The following ALG13 variants were observed in gnomAD, a reference collection of about 807,000 sequenced individuals.
The protein encoded by ALG13 is ALG13 UDP-N-acetylglucosaminyltransferase subunit, also known as UDP-N-acetylglucosamine transferase subunit ALG13.
A neutral mutation model predicts 87.8 loss-of-function variants in ALG13; 11 were observed. That is an observed-to-expected ratio of 0.13 (90% confidence interval 0.08 to 0.21). The LOEUF (loss-of-function observed/expected upper bound fraction) is 0.21. ALG13 is among the 10% of genes least tolerant of loss of function. ALG13 has a pLI of 1.00. For synonymous variants in ALG13, 320 were observed against 306.3 expected (o/e 1.04, Z -0.47); for missense variants, 756 against 866.1 (o/e 0.87, Z 1.60).
chrX:111,736,332 A>G (rs772568485), intron 22 of ALG13, among the ~76,000 whole-genome samples: 2 of 111,173 alleles, frequency 1.8e-5, no homozygotes, highest in South Asian at 3.8e-4. Context: ...GTGTGGGGCA[A>G]TATATATGCA....
At chrX:111,683,524 A>G (rs1198022393) in intron 2 of ALG13, among the ~76,000 whole-genome samples, 1 of 107,578 alleles carries the variant, frequency 9.3e-6, no homozygotes, top group Non-Finnish European at 1.9e-5. Context: ...ATTTTAGTAG[A>G]GACGGGGTTT....
chrX:111,724,650 A>G (rs942884796), intron 14 of ALG13, among the ~76,000 whole-genome samples: 9 of 112,055 alleles, frequency 8.0e-5, no homozygotes, highest in Non-Finnish European at 1.1e-4. Context: ...CCTCATGTCA[A>G]TGGGGTGGGG....
chrX:111,693,164 CTTTTTTTTT>C, intron 3 of ALG13, among the ~76,000 whole-genome samples: 1 of 55,113 alleles, frequency 1.8e-5, no homozygotes, highest in South Asian at 1.0e-3. Flanking sequence ...GTTTTTAATT[CTTTTTTTTT>C]TTTTTTTTTT....
At chrX:111,752,376 A>G (rs1365149712) in intron 24 of ALG13, among the ~76,000 whole-genome samples, 2 of 111,856 alleles carry the variant, frequency 1.8e-5, no homozygotes, top group Non-Finnish European at 3.8e-5. Flanking sequence ...TTAATGTGGC[A>G]AGATTACATT....
chrX:111,698,569 A>G lies in ALG13; in HGVS notation c.384-9458A>G, dbSNP rs772610481. 6.3e-5 allele frequency among the ~76,000 whole-genome samples: 7 copies of G among 111,224 alleles called. No homozygotes were observed. The South Asian group carries it at 1.5e-3, about 24-fold the overall frequency. ...ACCATCATTCTAACTCTCTACTTCT[A>G]TGAGTTCAACTTATTTAGATTCCGC... On this transcript the variant is annotated intron_variant, in intron 3 of 26. Transcript: ENST00000394780.
At position 111,714,680 on chromosome X, in the gene ALG13, A is replaced by G. The variant is rs186109648; in HGVS notation, c.1005+1383A>G. 2.7e-5 allele frequency among the ~76,000 whole-genome samples: 3 copies of G among 111,931 alleles called. No individual in the cohort carries two copies. The South Asian group carries it at 1.1e-3, about 42-fold the overall frequency. On this transcript the variant is annotated intron_variant, in intron 8 of 26. Coordinates refer to ENST00000394780, the MANE Select transcript of ALG13 (RefSeq NM_001099922.3). ...AAGTTAAAAGAATTTTACAGTGAGC[A>G]TCCATATACCTACCCACCACCTAGA...
intron 15 of ALG13, among the ~76,000 whole-genome samples, chrX:111,726,522 G>A (rs1378065060): frequency 1.8e-5 from 2 of 111,092 alleles, no homozygotes; most frequent in African/African-American, 6.6e-5. Flanking sequence ...GTGAGCCACC[G>A]TGCCTGGCCA....
At position 111,706,036 on chromosome X, in the gene ALG13, A is replaced by T. The variant is rs527994957; in HGVS notation, c.384-1991A>T. On this transcript the variant is annotated intron_variant, in intron 3 of 26. Coordinates refer to ENST00000394780, the MANE Select transcript of ALG13 (RefSeq NM_001099922.3). ...TTACAAGTACAATATGCTGGAAACA[A>T]ATTAACTTTTAAATTATAATCCCTT... Among the ~76,000 whole-genome samples, 6 of 112,207 alleles carry T rather than the reference A, an allele frequency of 5.3e-5. No individual in the cohort carries two copies. In the South Asian group the frequency reaches 2.2e-3, roughly 41 times the overall value.
intron 9 of ALG13, 37 bp downstream of exon 9, chrX:111,717,964 A>G: frequency 8.7e-7 from 1 of 1,153,599 alleles, no homozygotes; most frequent in Non-Finnish European, 1.2e-6. Context: ...GTGTGATTTC[A>G]GATGACTTGT....
In ALG13 at chrX:111,688,482, A is replaced by G. The variant is rs1186262256; in HGVS notation, c.383+3379A>G. 6 of 749,508 alleles carry G rather than the reference A, an allele frequency of 8.0e-6. No individual in the cohort carries two copies. The East Asian group carries it at 6.1e-4, about 76-fold the overall frequency. The allele number at this position is 749,508 out of a possible 1,213,427, so 61.8% of individuals were successfully genotyped here. ...GAAATGAAAAGTTCAATCATTGCCT[A>G]AAAAAGATGATCAAGTTAGTTGATC... On this transcript the variant is annotated intron_variant, in intron 3 of 26. Transcript: ENST00000394780.
intron 24 of ALG13, among the ~76,000 whole-genome samples, chrX:111,745,340 G>A (rs907707399): frequency 9.0e-6 from 1 of 111,145 alleles, no homozygotes; most frequent in Non-Finnish European, 1.9e-5. Context: ...TTGGGGGAGT[G>A]GGGATTAGGA....
chrX:111,756,360 T>A (rs1318963331), intron 25 of ALG13, among the ~76,000 whole-genome samples: 1 of 111,484 alleles, frequency 9.0e-6, no homozygotes, highest in East Asian at 2.8e-4. Flanking sequence ...TGTATACCCA[T>A]GTAACAAACC....
At chrX:111,684,828 T>C in intron 2 of ALG13, 137 bp from the exon 3 acceptor site, 1 of 555,523 alleles carries the variant, frequency 1.8e-6, no homozygotes, top group Non-Finnish European at 3.0e-6. Flanking sequence ...TCTTGTCATT[T>C]TGAATGTATA....
intron 3 of ALG13, chrX:111,688,740 T>C (rs980923052): frequency 5.4e-6 from 4 of 742,502 alleles, no homozygotes; most frequent in Non-Finnish European, 6.4e-6. Context: ...ATTTACAATT[T>C]ATGTGCTTAT....
chrX:111,708,915 C>A, intron 4 of ALG13, 50 bp from the exon 5 acceptor site: 1 of 832,488 alleles, frequency 1.2e-6, no homozygotes, highest in Non-Finnish European at 1.7e-6. Flanking sequence ...TTTAGAAGTG[C>A]CTATTTTAAA....
At position 111,727,567 on chromosome X, in the gene ALG13, T is replaced by C; in HGVS notation, c.2091-47T>C. On this transcript the variant is annotated intron_variant, in intron 17 of 26. Coordinates refer to ENST00000394780, the MANE Select transcript of ALG13 (RefSeq NM_001099922.3). ...TGTTATTTAGAAATTAGGAACAAGT[T>C]ACTATATTTCATCATTTTTACTTTT... 3 of 1,139,640 alleles carry C rather than the reference T, an allele frequency of 2.6e-6. No individual in the cohort carries two copies. In the East Asian group the frequency reaches 9.2e-5, roughly 35 times the overall value. The allele number at this position is 1,139,640 out of a possible 1,213,427, so 93.9% of individuals were successfully genotyped here.
intron 3 of ALG13, among the ~76,000 whole-genome samples, chrX:111,693,686 C>T (rs1212362300): frequency 3.6e-5 from 4 of 112,012 alleles, no homozygotes; most frequent in Non-Finnish European, 5.6e-5. Flanking sequence ...GCCAAAATTA[C>T]TTATTTTGAT....
intron 23 of ALG13, among the ~76,000 whole-genome samples, 198 bp from the exon 24 acceptor site, chrX:111,744,470 A>G (rs1031655874): frequency 1.8e-5 from 2 of 111,249 alleles, no homozygotes; most frequent in Admixed American, 1.9e-4. Flanking sequence ...CTTAAATCAA[A>G]ATGACCTGTT....
chrX:111,693,831 C>T (rs1044171724), intron 3 of ALG13, among the ~76,000 whole-genome samples: 7 of 110,475 alleles, frequency 6.3e-5, no homozygotes, highest in Non-Finnish European at 9.5e-5. Context: ...TCTCTATATA[C>T]ATGATTTTGC....
Sources: allele counts gnomAD v4.1 joint callset (sites outside exome capture counted in the v4.1 genomes callset), GRCh38; gene constraint gnomAD v4.1.1; transcripts MANE v1.5; gene names NCBI Gene and HGNC (gene_info 2026-07-23, HGNC 2026-07-21).